Variants in PCDH11Y observed in about 807,000 individuals in gnomAD.
PCDH11Y encodes the protein protocadherin-11 Y-linked.
For missense variants in PCDH11Y, 12 were observed against 224.8 expected, an observed-to-expected ratio of 0.05 and a Z score of 6.05; for synonymous variants, 9 against 83.6, an observed-to-expected ratio of 0.11 and a Z score of 4.87.
intron 2 of PCDH11Y, among the ~76,000 whole-genome samples, chrY:5,140,202 C>T: frequency 4.0e-5 from 1 of 24,947 alleles, no homozygotes; most frequent in Admixed American, 3.9e-4. Context: ...TAATAAATTA[C>T]CACTAACTTA....
intron 4 of PCDH11Y, among the ~76,000 whole-genome samples, chrY:5,706,034 GC>G (rs1356028787): frequency 0.015 from 403 of 26,152 alleles, no homozygotes; most frequent in Middle Eastern, 0.041. Flanking sequence ...CTACACAGAA[GC>G]CTTTTTTTTT....
chrY:5,720,222 C>A, intron 4 of PCDH11Y, among the ~76,000 whole-genome samples: 1 of 31,694 alleles, frequency 3.2e-5, no homozygotes, highest in African/African-American at 1.3e-4. Flanking sequence ...CTTTGGGGAA[C>A]TGTTGAGAAG....
At chrY:5,374,400 ACT>A (rs2053195329) in intron 2 of PCDH11Y, among the ~76,000 whole-genome samples, 1 of 22,058 alleles carries the variant, frequency 4.5e-5, no homozygotes, top group Non-Finnish European at 1.0e-4. Context: ...TCTTTCTCTC[ACT>A]CTCTCTCTAT....
At chrY:5,667,745 A>G (rs2053546147) in intron 4 of PCDH11Y, among the ~76,000 whole-genome samples, 1 of 33,280 alleles carries the variant, frequency 3.0e-5, no homozygotes. Context: ...AGCGTGTGGA[A>G]TGATAGTTGC....
At chrY:5,268,504 A>G in intron 2 of PCDH11Y, among the ~76,000 whole-genome samples, 1 of 31,984 alleles carries the variant, frequency 3.1e-5, no homozygotes, top group African/African-American at 1.2e-4. Flanking sequence ...CGAGGCTGAA[A>G]TACTAAGTAA....
chrY:5,671,166 C>T, intron 4 of PCDH11Y, among the ~76,000 whole-genome samples: 1 of 31,379 alleles, frequency 3.2e-5, no homozygotes, highest in East Asian at 8.2e-4. Context: ...GTGTTGGTTA[C>T]TATAGCAGTG....
chrY:5,002,040 T>A (rs374468330), intron 1 of PCDH11Y, among the ~76,000 whole-genome samples: 894 of 33,495 alleles, frequency 0.027, no homozygotes, highest in Middle Eastern at 0.11. Flanking sequence ...GCAAAAACCG[T>A]GGGGAAGAGG....
At chrY:5,057,662 C>A in intron 1 of PCDH11Y, among the ~76,000 whole-genome samples, 1 of 33,190 alleles carries the variant, frequency 3.0e-5, no homozygotes, top group Non-Finnish European at 7.4e-5. Context: ...TATGTATATT[C>A]ATTTTCAAAC....
chrY:5,089,658 A>G, intron 1 of PCDH11Y, among the ~76,000 whole-genome samples: 2 of 33,597 alleles, frequency 6.0e-5, no homozygotes, highest in African/African-American at 1.2e-4. Context: ...TATTCTTACA[A>G]TGCTTACCCA....
intron 2 of PCDH11Y, among the ~76,000 whole-genome samples, chrY:5,298,784 A>G (rs1181688665): frequency 1.5e-4 from 5 of 33,336 alleles, no homozygotes; most frequent in Admixed American, 2.8e-4. Context: ...CTTTTTGCCA[A>G]TATGCTACTT....
At chrY:5,596,104 G>T in intron 4 of PCDH11Y, among the ~76,000 whole-genome samples, 1 of 32,049 alleles carries the variant, frequency 3.1e-5, no homozygotes, top group Admixed American at 2.9e-4. Flanking sequence ...ACAGTATATT[G>T]TGTCTAACTT....
intron 2 of PCDH11Y, among the ~76,000 whole-genome samples, chrY:5,456,491 A>T (rs2053298383): frequency 3.0e-5 from 1 of 33,630 alleles, no homozygotes; most frequent in Non-Finnish European, 7.4e-5. Context: ...CCCAAAGGAA[A>T]ATAAATCATT....
intron 4 of PCDH11Y, among the ~76,000 whole-genome samples, chrY:5,658,415 A>T: frequency 3.0e-5 from 1 of 32,924 alleles, no homozygotes. Flanking sequence ...TTCTACCCCC[A>T]TCTCTTTCTG....
chrY:5,279,007 A>T, intron 2 of PCDH11Y, among the ~76,000 whole-genome samples: 3 of 33,422 alleles, frequency 9.0e-5, no homozygotes, highest in Admixed American at 8.3e-4. Context: ...TTCATTGGTC[A>T]AAACCTGATA....
intron 2 of PCDH11Y, among the ~76,000 whole-genome samples, chrY:5,380,693 T>C: frequency 3.2e-5 from 1 of 30,792 alleles, no homozygotes; most frequent in Admixed American, 2.9e-4. Context: ...TTCAAGCCAT[T>C]CTCCTGCCTC....
At chrY:5,631,450 C>T in intron 4 of PCDH11Y, among the ~76,000 whole-genome samples, 1 of 32,769 alleles carries the variant, frequency 3.1e-5, no homozygotes, top group Non-Finnish European at 7.5e-5. Flanking sequence ...TCAGTGCTTC[C>T]TCTTATGAAA....
intron 4 of PCDH11Y, among the ~76,000 whole-genome samples, chrY:5,612,867 CT>C (rs1324830477): frequency 3.7e-4 from 9 of 24,412 alleles, no homozygotes; most frequent in East Asian, 1.1e-3. Flanking sequence ...GCCCCCTTAA[CT>C]TTTTTTTTTT....
chrY:5,386,441 A>G, intron 2 of PCDH11Y, among the ~76,000 whole-genome samples: 1 of 32,698 alleles, frequency 3.1e-5, no homozygotes, highest in Non-Finnish European at 7.5e-5. Flanking sequence ...TAGTCCCCCA[A>G]ATATGTTTTC....
At chrY:5,235,588 G>A in intron 2 of PCDH11Y, among the ~76,000 whole-genome samples, 3 of 32,252 alleles carry the variant, frequency 9.3e-5, no homozygotes, top group African/African-American at 3.6e-4. Flanking sequence ...TACTGCAAGC[G>A]GAATGATTTT....
Sources: gnomAD v4.1 joint callset for allele counts (sites outside exome capture counted in the v4.1 genomes callset) on GRCh38, gnomAD v4.1.1 for gene constraint, MANE v1.5 for transcripts, NCBI Gene and HGNC (gene_info 2026-07-23, HGNC 2026-07-21) for gene names.